Variants in NDC1 observed in about 807,000 individuals in gnomAD.
NDC1 encodes nucleoporin NDC1.
NDC1 carries 24 observed loss-of-function variants against 89.8 expected under a neutral mutation model. The ratio of observed to expected loss-of-function variants is 0.27; its 90% CI spans 0.19 to 0.38. The LOEUF (loss-of-function observed/expected upper bound fraction) is 0.38. Among genes scored for constraint, NDC1 ranks in the 10% least tolerant of loss-of-function variants. The probability of loss-of-function intolerance (pLI) is 1.00; values close to 1 mark genes in which losing one functional copy is unlikely to be tolerated. For synonymous variants in NDC1, 296 were observed against 284.8 expected (o/e 1.04, Z -0.39); for missense variants, 728 against 797.6 (o/e 0.91, Z 1.05).
rs754769846 is a variant in NDC1, at chr1:53,772,419, T to C, written c.1871A>G (p.Asp624Gly). The C allele has an allele frequency of 3.1e-6, 5 of 1,613,882 alleles. No individual in the cohort carries two copies. Among genetic ancestry groups the C allele is most frequent in the African/African-American group, 2.7e-5 (2 of 75,030 alleles). The change falls in exon 17 of 18, where the codon GAC becomes GGC. Residue 624 changes from aspartate to glycine, a missense_variant. Transcript: ENST00000371429. Reference protein sequence around the residue: ...KPPRISGSLVDTSYKTLRFAF... With the variant: ...KPPRISGSLVGTSYKTLRFAF... The stretch of plus-strand genomic sequence containing the variant: ...AAATCTTAATGTTTTATATGAAGTG[T>C]CCACAAGGCTTCCTGAAATCCGGGG...
At chr1:53,773,532 T>C (rs1647136844) in intron 16 of NDC1, among the ~76,000 whole-genome samples, 1 of 152,206 alleles carries the variant, frequency 6.6e-6, no homozygotes, top group Non-Finnish European at 1.5e-5. Context: ...AGAAATCTAG[T>C]GATCCTCGTT....
At chr1:53,826,678 G>C (rs1195505386) in intron 4 of NDC1, among the ~76,000 whole-genome samples, 2 of 152,214 alleles carry the variant, frequency 1.3e-5, no homozygotes, top group South Asian at 2.1e-4. Context: ...AGTTTCTTGA[G>C]AATCTCTATG....
chr1:53,830,207 A>C (rs1649008981), intron 3 of NDC1, among the ~76,000 whole-genome samples: 2 of 151,488 alleles, frequency 1.3e-5, no homozygotes, highest in Non-Finnish European at 2.9e-5. Flanking sequence ...TAATCACAGC[A>C]CTTTGGGAGG....
chr1:53,811,307 G>T (rs980701777), intron 6 of NDC1, among the ~76,000 whole-genome samples: 1 of 152,182 alleles, frequency 6.6e-6, no homozygotes, highest in Non-Finnish European at 1.5e-5. Context: ...AATCTAATGT[G>T]TAGACTCCAC....
At chr1:53,804,032 ATTAT>A (rs896968339) in intron 9 of NDC1, 23 bp from the exon 10 acceptor site, 2 of 1,568,218 alleles carry the variant, frequency 1.3e-6, no homozygotes, top group African/African-American at 2.7e-5. Flanking sequence ...AAAAACACAT[ATTAT>A]TTAATTTTTT....
chr1:53,816,652 A>C (rs35966749), intron 6 of NDC1, among the ~76,000 whole-genome samples: 4,434 of 151,992 alleles, frequency 0.029, 102 homozygotes, highest in Middle Eastern at 0.044. Flanking sequence ...AAACAAAAAA[A>C]AAAAAAACAG....
intron 5 of NDC1, among the ~76,000 whole-genome samples, chr1:53,824,842 C>T (rs1648791904): frequency 1.3e-5 from 2 of 152,202 alleles, no homozygotes; most frequent in Non-Finnish European, 2.9e-5. Flanking sequence ...TCTAAAATTA[C>T]TTGCACATCC....
At chr1:53,817,403 G>T (rs1213083124) in intron 6 of NDC1, among the ~76,000 whole-genome samples, 1 of 152,188 alleles carries the variant, frequency 6.6e-6, no homozygotes, top group African/African-American at 2.4e-5. Flanking sequence ...ATCAAACATT[G>T]TATGTTCTCA....
At chr1:53,825,662 C>A in intron 5 of NDC1, 136 bp downstream of exon 5, 1 of 720,664 alleles carries the variant, frequency 1.4e-6, no homozygotes, top group South Asian at 2.2e-5. Flanking sequence ...CGCTAAATGG[C>A]ATTTTGAGGA....
intron 16 of NDC1, among the ~76,000 whole-genome samples, chr1:53,786,863 A>AT (rs1647323009): frequency 6.6e-6 from 1 of 151,876 alleles, no homozygotes; most frequent in African/African-American, 2.4e-5. Flanking sequence ...TGGCCAGCTA[A>AT]TTTTTTATTT....
At chr1:53,787,835 T>C (rs974832974) in intron 15 of NDC1, among the ~76,000 whole-genome samples, 15 of 142,058 alleles carry the variant, frequency 1.1e-4, no homozygotes, top group South Asian at 2.2e-4. Context: ...AAAAATAATA[T>C]AGTGTTGCGT....
At position 53,766,959 on chromosome 1, in the gene NDC1, G is replaced by A. The variant is rs1183983021; in HGVS notation, c.*1011C>T. 2.6e-5 allele frequency: 4 copies of A among 152,180 alleles called. No homozygotes were observed. The highest frequency in any genetic ancestry group is 7.2e-5 in the African/African-American group (3 of 41,442). 9.4% of individuals were successfully genotyped at this position (152,180 alleles called of 1,614,324 possible). On this transcript the variant is annotated 3_prime_UTR_variant, in exon 18 of 18. Transcript: ENST00000371429. ...TTCCAAGTACAGTAATCCCTCTGAC[G>A]TTTTGGTTTCACTTGCTATTTGATG...
chr1:53,790,381 A>C (rs1002164637), intron 14 of NDC1, among the ~76,000 whole-genome samples: 3 of 149,066 alleles, frequency 2.0e-5, no homozygotes, highest in African/African-American at 7.4e-5. Context: ...AAAAAACCCC[A>C]AAAAACCAAA....
At chr1:53,838,149 G>A (rs1284402480) in intron 1 of NDC1, 56 bp downstream of exon 1, 1 of 1,501,222 alleles carries the variant, frequency 6.7e-7, no homozygotes, top group African/African-American at 1.4e-5. Flanking sequence ...CGCGATCAGA[G>A]CTTGCCCGCC....
At chr1:53,837,965 T>A (rs1649293816) in intron 1 of NDC1, among the ~76,000 whole-genome samples, 1 of 152,188 alleles carries the variant, frequency 6.6e-6, no homozygotes. Flanking sequence ...TTCCATTCAG[T>A]CCATCCGTCC....
chr1:53,807,852 CT>C, intron 7 of NDC1, 61 bp from the exon 8 acceptor site: 1 of 1,452,822 alleles, frequency 6.9e-7, no homozygotes, highest in Non-Finnish European at 9.4e-7. Flanking sequence ...TATTAACACA[CT>C]TAAGTCTCCA....
At chr1:53,800,638 T>G in intron 11 of NDC1, 55 bp downstream of exon 11, 5 of 1,596,410 alleles carry the variant, frequency 3.1e-6, no homozygotes, top group Non-Finnish European at 4.3e-6. Flanking sequence ...TACAGTCATC[T>G]TTCTTAGGAA....
chr1:53,826,967 C>G (rs2100689847), intron 4 of NDC1, among the ~76,000 whole-genome samples: 1 of 152,342 alleles, frequency 6.6e-6, no homozygotes, highest in South Asian at 2.1e-4. Flanking sequence ...CCTGGAACTT[C>G]ACTGCCACCT....
At chr1:53,774,924 G>A (rs1647149399) in intron 16 of NDC1, among the ~76,000 whole-genome samples, 1 of 152,036 alleles carries the variant, frequency 6.6e-6, no homozygotes, top group African/African-American at 2.4e-5. Context: ...AAATAAAAAT[G>A]AAAATAAGAA....
Sources: allele counts gnomAD v4.1 joint callset (sites outside exome capture counted in the v4.1 genomes callset), GRCh38; gene constraint gnomAD v4.1.1; transcripts MANE v1.5; gene names NCBI Gene and HGNC (gene_info 2026-07-23, HGNC 2026-07-21).